AFF2: variants seen among roughly 807,000 people sequenced by gnomAD.
AFF2 encodes ALF transcription elongation factor 2.
A neutral mutation model predicts 76.9 loss-of-function variants in AFF2; 14 were observed. The observed-to-expected ratio is 0.18, with a 90% CI of 0.12 to 0.28. The LOEUF is 0.28. Ranked by LOEUF, AFF2 falls within the 10% of genes least tolerant of loss-of-function variation. The pLI is 1.00. For synonymous variants in AFF2, 398 were observed against 366.7 expected (o/e 1.09, Z -0.98); for missense variants, 868 against 1,001.1 (o/e 0.87, Z 1.79).
At chrX:148,729,396 G>A (rs1321498309) in intron 3 of AFF2, among the ~76,000 whole-genome samples, 1 of 112,084 alleles carries the variant, frequency 8.9e-6, no homozygotes, top group African/African-American at 3.2e-5. Context: ...AAAGAATAAA[G>A]GGGCATGGTC....
intron 3 of AFF2, among the ~76,000 whole-genome samples, chrX:148,727,518 AATG>A (rs2055173218): frequency 1.8e-5 from 2 of 111,881 alleles, no homozygotes; most frequent in Admixed American, 1.9e-4. Context: ...AAAGGAGGTC[AATG>A]ATGATACAGT....
chrX:148,705,833 G>A (rs1490152761), intron 3 of AFF2, among the ~76,000 whole-genome samples: 4 of 111,308 alleles, frequency 3.6e-5, no homozygotes, highest in African/African-American at 1.3e-4. Flanking sequence ...CTTGAGAGGG[G>A]ATGATTCATA....
chrX:148,679,987 T>C (rs2054529542), intron 3 of AFF2, among the ~76,000 whole-genome samples: 1 of 112,268 alleles, frequency 8.9e-6, no homozygotes, highest in Non-Finnish European at 1.9e-5. Context: ...GCTGTAACTC[T>C]GAATAAGCAT....
At chrX:148,815,919 C>A (rs2070259684) in intron 4 of AFF2, among the ~76,000 whole-genome samples, 1 of 111,832 alleles carries the variant, frequency 8.9e-6, no homozygotes, top group Non-Finnish European at 1.9e-5. Flanking sequence ...CTCTGTCAAC[C>A]TGTTTCTTTT....
chrX:148,844,928 G>A (rs782293248), intron 7 of AFF2, among the ~76,000 whole-genome samples: 8 of 111,640 alleles, frequency 7.2e-5, no homozygotes, highest in African/African-American at 2.3e-4. Flanking sequence ...CCCGATTTAA[G>A]GACCGAATTA....
chrX:148,709,349 T>A lies in AFF2; in HGVS notation c.1041+46581T>A, dbSNP rs151177348. Among the ~76,000 whole-genome samples, 202 of 111,705 alleles carry A rather than the reference T, an allele frequency of 1.8e-3. 4 individuals carry two copies. The East Asian group carries it at 0.054, about 30-fold the overall frequency. ...ATTAGAATGACTATTTTTAAGGATG[T>A]CTCTTACACATCCTTGGCACCTGGA... On this transcript the variant is annotated intron_variant, in intron 3 of 20. Coordinates refer to ENST00000370460, the MANE Select transcript of AFF2 (RefSeq NM_002025.4).
At position 148,999,188 on chromosome X, in the gene AFF2, G is replaced by T. The variant is rs941429233; in HGVS notation, c.*7856G>T. ...ACTGAGACTTGCAAAATACCCCTGAGAGTTGTCAGGGGTGTCTTCTGCCTG... is the reference window on the plus strand; with the variant it reads ...ACTGAGACTTGCAAAATACCCCTGATAGTTGTCAGGGGTGTCTTCTGCCTG... On this transcript the variant is annotated 3_prime_UTR_variant, in exon 21 of 21. Coordinates refer to ENST00000370460, the MANE Select transcript of AFF2 (RefSeq NM_002025.4). The T allele has an allele frequency of 1.8e-5, 2 of 111,269 alleles. No individual in the cohort carries two copies. The highest frequency in any genetic ancestry group is 7.7e-4 in the South Asian group (2 of 2,595). The allele number at this position is 111,269 out of a possible 1,213,427, so 9.2% of individuals were successfully genotyped here. A position where few individuals can be genotyped will look rare whatever the true frequency, so the allele number is the denominator to read the frequency against.
intron 3 of AFF2, among the ~76,000 whole-genome samples, chrX:148,709,199 C>T (rs2054926927): frequency 8.9e-6 from 1 of 111,766 alleles, no homozygotes; most frequent in Non-Finnish European, 1.9e-5. Context: ...GTGAATAAAA[C>T]TTATTCAATA....
In AFF2 at chrX:148,862,946, C is replaced by T. The variant is rs187631585; in HGVS notation, c.1262+19513C>T. On this transcript the variant is annotated intron_variant, in intron 7 of 20. Coordinates refer to ENST00000370460, the MANE Select transcript of AFF2 (RefSeq NM_002025.4). Reference sequence around the variant, plus strand: ...AATATTGTTGGGTAGCAGATATGAGCTCCAATTAGTTGACTCTTTCTTCCC... The same window carrying T: ...AATATTGTTGGGTAGCAGATATGAGTTCCAATTAGTTGACTCTTTCTTCCC... 5.4e-5 allele frequency among the ~76,000 whole-genome samples: 6 copies of T among 111,525 alleles called. No individual in the cohort carries two copies. In the Admixed American group the frequency reaches 5.7e-4, roughly 11 times the overall value.
intron 1 of AFF2, among the ~76,000 whole-genome samples, chrX:148,592,078 C>G (rs2053527246): frequency 8.9e-6 from 1 of 111,991 alleles, no homozygotes; most frequent in Non-Finnish European, 1.9e-5. Context: ...CCTGGCATCT[C>G]TCTTTATTCC....
chrX:148,897,234 T>TG (rs1557280398), intron 8 of AFF2, among the ~76,000 whole-genome samples: 1 of 20,152 alleles, frequency 5.0e-5, no homozygotes, highest in African/African-American at 2.2e-4. Flanking sequence ...TATATATATA[T>TG]ATATATATAT....
chrX:148,528,526 A>G (rs1379958967), intron 1 of AFF2, among the ~76,000 whole-genome samples: 1 of 111,204 alleles, frequency 9.0e-6, no homozygotes, highest in East Asian at 2.8e-4. Context: ...TCCTGGTAAC[A>G]TGGTCTCTTG....
chrX:148,670,525 G>A (rs1355836099), intron 3 of AFF2, among the ~76,000 whole-genome samples: 4 of 111,648 alleles, frequency 3.6e-5, no homozygotes, highest in Non-Finnish European at 5.6e-5. Context: ...CTGCAGCTGC[G>A]GGTATGTGGG....
intron 9 of AFF2, among the ~76,000 whole-genome samples, chrX:148,932,541 G>A (rs1188960618): frequency 1.8e-5 from 2 of 111,674 alleles, no homozygotes; most frequent in Non-Finnish European, 3.8e-5. Flanking sequence ...ACATTAAGAA[G>A]CCTTTCTTGC....
At chrX:148,695,359 A>C (rs954455940) in intron 3 of AFF2, among the ~76,000 whole-genome samples, 1 of 111,908 alleles carries the variant, frequency 8.9e-6, no homozygotes, top group Non-Finnish European at 1.9e-5. Flanking sequence ...GTCTGAGATA[A>C]TGACACTCTA....
At chrX:148,815,071 T>A (rs1217043612) in intron 4 of AFF2, among the ~76,000 whole-genome samples, 4 of 112,109 alleles carry the variant, frequency 3.6e-5, no homozygotes, top group Admixed American at 2.8e-4. Flanking sequence ...TAAATAGGAA[T>A]CCTTCTGGAA....
chrX:148,544,484 A>G (rs1349410114), intron 1 of AFF2, among the ~76,000 whole-genome samples: 2 of 111,815 alleles, frequency 1.8e-5, no homozygotes, highest in Non-Finnish European at 3.8e-5. Flanking sequence ...AATCCTCCCA[A>G]TGTGTGAGTG....
intron 3 of AFF2, among the ~76,000 whole-genome samples, chrX:148,737,347 A>T (rs1194095368): frequency 9.0e-6 from 1 of 111,103 alleles, no homozygotes; most frequent in African/African-American, 3.3e-5. Context: ...TGTTAGGTAT[A>T]TTCCTAAGTA....
chrX:148,796,701 T>TAAA (rs1272839161), intron 3 of AFF2, among the ~76,000 whole-genome samples: 1 of 112,451 alleles, frequency 8.9e-6, no homozygotes, highest in Non-Finnish European at 1.9e-5. Flanking sequence ...GAACGCTTGA[T>TAAA]GTCTGATGGT....
Sources: gnomAD v4.1 joint callset for allele counts (sites outside exome capture counted in the v4.1 genomes callset) on GRCh38, gnomAD v4.1.1 for gene constraint, MANE v1.5 for transcripts, NCBI Gene and HGNC (gene_info 2026-07-23, HGNC 2026-07-21) for gene names.